The following RNLS variants were observed in gnomAD, a reference collection of about 807,000 sequenced individuals.
The protein encoded by RNLS is renalase, FAD dependent amine oxidase, also known as renalase.
Under a neutral mutation model 39.8 loss-of-function variants are expected in RNLS, and 39 were observed. The observed-to-expected ratio is 0.98, with a 90% confidence interval of 0.76 to 1.28. RNLS has a LOEUF of 1.28. Among genes scored for constraint, RNLS ranks in the 50% most tolerant of loss-of-function variants. The probability of loss-of-function intolerance (pLI) is 0.00; values close to 1 mark genes in which losing one functional copy is unlikely to be tolerated. For synonymous variants in RNLS, 147 were observed against 150.7 expected (o/e 0.98, Z 0.18); for missense variants, 410 against 413.3 (o/e 0.99, Z 0.07).
At chr10:88,490,923 A>G (rs925530917) in intron 4 of RNLS, among the ~76,000 whole-genome samples, 11 of 152,320 alleles carry the variant, frequency 7.2e-5, no homozygotes, top group Non-Finnish European at 1.6e-4. Context: ...CAATTTATAT[A>G]CAATGAAATA....
chr10:88,296,112 A>C (rs1002572334), intron 6 of RNLS, among the ~76,000 whole-genome samples: 2 of 152,254 alleles, frequency 1.3e-5, no homozygotes, highest in East Asian at 3.9e-4. Context: ...GCTGAGCACT[A>C]TGAAAAGTGT....
chr10:88,327,202 T>G (rs1476506923), intron 5 of RNLS, among the ~76,000 whole-genome samples: 1 of 152,072 alleles, frequency 6.6e-6, no homozygotes, highest in South Asian at 2.1e-4. Flanking sequence ...TGGAAAGGCA[T>G]GATTGTGTTT....
At chr10:88,318,093 G>A (rs1256278163) in intron 5 of RNLS, among the ~76,000 whole-genome samples, 1 of 152,200 alleles carries the variant, frequency 6.6e-6, no homozygotes, top group Non-Finnish European at 1.5e-5. Context: ...TGGCTGAACT[G>A]AGCCATGCTG....
At chr10:88,335,796 A>C (rs1176453681) in intron 5 of RNLS, among the ~76,000 whole-genome samples, 3 of 152,232 alleles carry the variant, frequency 2.0e-5, no homozygotes, top group Non-Finnish European at 4.4e-5. Flanking sequence ...GATTTTTAGC[A>C]ATAAATATAA....
At chr10:88,215,040 T>C in the RNLS span, among the ~76,000 whole-genome samples, 2,014 of 152,244 alleles carry the variant, frequency 0.013, 21 homozygotes, top group Non-Finnish European at 0.02. Flanking sequence ...AAGGCCTATC[T>C]ATGGTAATTA....
At chr10:88,519,475 GTTCAT>G (rs1846590054) in intron 4 of RNLS, among the ~76,000 whole-genome samples, 1 of 150,028 alleles carries the variant, frequency 6.7e-6, no homozygotes, top group South Asian at 2.1e-4. Context: ...CAAATATGTT[GTTCAT>G]TTCAAGATGT....
Position 88,427,970 on chromosome 10 carries a change from C to T in RNLS, c.527-65245G>A, listed in dbSNP as rs1854897801. Among the ~76,000 whole-genome samples the T allele has an allele frequency of 2.6e-5, 4 of 151,872 alleles. No individual in the cohort carries two copies. The South Asian group carries it at 6.2e-4, about 24-fold the overall frequency. ...GTACTATGTTGCCTTTACTAGGAGA[C>T]AGTAGAGTGGAAATCAACTCTCTGT... On this transcript the variant is annotated intron_variant, in intron 4 of 6. Coordinates refer to ENST00000331772, the MANE Select transcript of RNLS (RefSeq NM_001031709.3).
chr10:88,173,637 C>A, the RNLS span, among the ~76,000 whole-genome samples: 1 of 152,034 alleles, frequency 6.6e-6, no homozygotes, highest in African/African-American at 2.4e-5. Context: ...TTTCTGTTTG[C>A]TTGTGCCCTC....
the RNLS span, among the ~76,000 whole-genome samples, chr10:88,231,947 T>C: frequency 2.4e-5 from 1 of 42,032 alleles, no homozygotes; most frequent in Non-Finnish European, 5.1e-5. Context: ...GATTTCTGTG[T>C]GTGTGTGTGT....
intron 4 of RNLS, among the ~76,000 whole-genome samples, chr10:88,556,489 C>T (rs1385181705): frequency 6.6e-6 from 1 of 152,162 alleles, no homozygotes; most frequent in East Asian, 1.9e-4. Context: ...ATCTAAGTCA[C>T]ATAAGGTCTT....
At chr10:88,549,202 A>T (rs1451410087) in intron 4 of RNLS, among the ~76,000 whole-genome samples, 3 of 152,180 alleles carry the variant, frequency 2.0e-5, no homozygotes, top group Non-Finnish European at 4.4e-5. Flanking sequence ...TATTATTTTT[A>T]AAATGTCCAA....
At chr10:88,251,507 C>A in the RNLS span, among the ~76,000 whole-genome samples, 1 of 152,192 alleles carries the variant, frequency 6.6e-6, no homozygotes, top group Non-Finnish European at 1.5e-5. Context: ...ATCTCTATGG[C>A]CCCACAGCTC....
the RNLS span, among the ~76,000 whole-genome samples, chr10:88,239,513 A>G: frequency 1.3e-5 from 2 of 152,182 alleles, no homozygotes; most frequent in East Asian, 3.9e-4. Context: ...TCTGCACCCA[A>G]TTTGTGCCTG....
the RNLS span, among the ~76,000 whole-genome samples, chr10:88,190,722 T>C: frequency 2.0e-5 from 3 of 152,220 alleles, no homozygotes; most frequent in Non-Finnish European, 4.4e-5. Context: ...TTCTCCACCC[T>C]CCTCCTCCAC....
intron 4 of RNLS, among the ~76,000 whole-genome samples, chr10:88,428,494 T>C (rs773408263): frequency 1.3e-5 from 2 of 152,002 alleles, no homozygotes; most frequent in Non-Finnish European, 2.9e-5. Flanking sequence ...TGACTGAGAC[T>C]GATAAGACTG....
rs1844533709 is a variant in RNLS at position 88,486,499 on chromosome 10, G to A, written c.526+86404C>T. Among the ~76,000 whole-genome samples the A allele has an allele frequency of 2.6e-5, 4 of 151,776 alleles. No homozygotes were observed. In the South Asian group the frequency reaches 8.3e-4, roughly 32 times the overall value. On this transcript the variant is annotated intron_variant, in intron 4 of 6. Transcript: ENST00000331772. ...AAGGCCTAATATCAAGCATCTGTAA[G>A]GAACTTAAACAAATTTACAAGAAAA... is the stretch of plus-strand genomic sequence containing the variant.
At chr10:88,405,156 C>A (rs1158447228) in intron 4 of RNLS, among the ~76,000 whole-genome samples, 1 of 151,942 alleles carries the variant, frequency 6.6e-6, no homozygotes, top group Non-Finnish European at 1.5e-5. Flanking sequence ...GTGAGGATAA[C>A]CAAATGTTGC....
At chr10:88,514,545 T>C (rs959995586) in intron 4 of RNLS, among the ~76,000 whole-genome samples, 2 of 152,148 alleles carry the variant, frequency 1.3e-5, no homozygotes, top group South Asian at 2.1e-4. Context: ...GGAAATTTTA[T>C]ACACACTGAA....
At chr10:88,218,187 A>G in the RNLS span, among the ~76,000 whole-genome samples, 2 of 152,356 alleles carry the variant, frequency 1.3e-5, no homozygotes, top group East Asian at 3.9e-4. Flanking sequence ...TGCCCTCAGT[A>G]TGGACTAAAG....
Sources: gnomAD v4.1 joint callset for allele counts (sites outside exome capture counted in the v4.1 genomes callset) on GRCh38, gnomAD v4.1.1 for gene constraint, MANE v1.5 for transcripts, NCBI Gene and HGNC (gene_info 2026-07-23, HGNC 2026-07-21) for gene names.